Variants in ETS1 observed in about 807,000 individuals in gnomAD.
ETS1 encodes protein C-ets-1.
Under a neutral mutation model 58.6 loss-of-function variants are expected in ETS1, and 15 were observed. That is an observed-to-expected ratio of 0.26 (90% CI 0.17 to 0.39). The LOEUF (loss-of-function observed/expected upper bound fraction) is 0.39. ETS1 is among the 10% of genes least tolerant of loss of function. ETS1 has a pLI of 1.00. For synonymous variants in ETS1, 214 were observed against 218.2 expected (o/e 0.98, Z 0.17); for missense variants, 417 against 610.5 (o/e 0.68, Z 3.34).
chr11:128,498,379 T>C lies in ETS1; in HGVS notation c.215-7803A>G, dbSNP rs150962439. On this transcript the variant is annotated intron_variant, in intron 3 of 9. Transcript: ENST00000392668. ...AACGCAAAAATCAGATTCTGAGATA[T>C]AAATGGAAATTGACATCCCCTGAAA... 2.2e-4 allele frequency among the ~76,000 whole-genome samples: 33 copies of C among 152,338 alleles called. No homozygotes were observed. In the East Asian group the frequency reaches 6.4e-3, roughly 29 times the overall value.
At chr11:128,468,875 G>A (rs1862110679) in intron 8 of ETS1, among the ~76,000 whole-genome samples, 1 of 152,186 alleles carries the variant, frequency 6.6e-6, no homozygotes, top group African/African-American at 2.4e-5. Flanking sequence ...TTGAATGACT[G>A]TGTCATTTGA....
intron 1 of ETS1, among the ~76,000 whole-genome samples, chr11:128,581,443 G>C (rs1864868766): frequency 1.3e-5 from 2 of 152,148 alleles, no homozygotes; most frequent in African/African-American, 4.8e-5. Flanking sequence ...ATTTTACCAT[G>C]AAATTCAACA....
chr11:128,585,617 G>A (rs963343200), intron 1 of ETS1, among the ~76,000 whole-genome samples: 1 of 152,140 alleles, frequency 6.6e-6, no homozygotes, highest in African/African-American at 2.4e-5. Flanking sequence ...GAGAGGACCT[G>A]CACCCACACA....
At position 128,463,587 on chromosome 11, in the gene ETS1, T is replaced by C; in HGVS notation, c.1164A>G (p.Leu388=). The C allele has an allele frequency of 1.9e-6, 3 of 1,612,636 alleles. No homozygotes were observed. Among genetic ancestry groups the C allele is most frequent in the Non-Finnish European group, 1.7e-6 (2 of 1,178,656 alleles). The stretch of plus-strand genomic sequence containing the variant: ...AAGACTGACAGGATTTATCAGTGAG[T>C]AATTCCAGAAGAAACTGCCATAGCT... The part of the protein sequence containing the change: ...PIQLWQFLLE[L]LTDKSCQSFI... The change falls in exon 9 of 10, where the codon TTA becomes TTG. Residue 388 remains leucine (L), a synonymous_variant. Coordinates refer to ENST00000392668, the MANE Select transcript of ETS1 (RefSeq NM_001143820.2). The surrounding 1 kb of genome is among the most constrained non-coding windows in gnomAD (Gnocchi z 4.1).
chr11:128,585,101 AAGGAAGGAAGGAAG>A lies in ETS1; in HGVS notation c.-15+2373_-15+2386del, dbSNP rs1565421513. Among the ~76,000 whole-genome samples the A allele has an allele frequency of 3.8e-4, 11 of 28,940 alleles. 1 individual carries two copies. The highest frequency in any genetic ancestry group is 1.9e-3 in the South Asian group (3 of 1,560). 19.0% of individuals were successfully genotyped at this position (28,940 alleles called of 152,430 possible). The stretch of plus-strand genomic sequence containing the variant: ...GAGAAAGAAAGAAAGGAAAGAAAGA[AAGGAAGGAAGGAAG>A]GAAAGAAAGAAGAAAGAAAGAAAAG... On this transcript the variant is annotated intron_variant, in intron 1 of 9. Transcript: ENST00000392668.
chr11:128,586,940 T>C (rs148584583), intron 1 of ETS1, among the ~76,000 whole-genome samples: 8 of 152,290 alleles, frequency 5.3e-5, no homozygotes, highest in African/African-American at 1.4e-4. Flanking sequence ...TAGGAACTTG[T>C]AGATCTTTGG....
intron 2 of ETS1, among the ~76,000 whole-genome samples, chr11:128,569,318 C>CTATTTTTTTTTTTT (rs1555089976): frequency 2.5e-5 from 1 of 39,462 alleles, no homozygotes; most frequent in African/African-American, 1.1e-4. Flanking sequence ...AGAGTTTCTT[C>CTATTTTTTTTTTTT]TTTTTTTTTT....
intron 3 of ETS1, chr11:128,522,429 G>C (rs868821870): frequency 1.3e-5 from 11 of 823,820 alleles, no homozygotes; most frequent in African/African-American, 1.8e-5. Flanking sequence ...ATGTCCGCTT[G>C]GGGGAGCGAG....
intron 2 of ETS1, among the ~76,000 whole-genome samples, chr11:128,562,405 T>A (rs1298206678): frequency 6.6e-6 from 1 of 152,008 alleles, no homozygotes; most frequent in Non-Finnish European, 1.5e-5. Flanking sequence ...TGAGACTCCA[T>A]CTCAAAAAAG....
chr11:128,537,655 C>T (rs1351842313), intron 3 of ETS1, among the ~76,000 whole-genome samples: 1 of 152,142 alleles, frequency 6.6e-6, no homozygotes, highest in African/African-American at 2.4e-5. Flanking sequence ...CACTGGGAAA[C>T]CTACTAAATA....
rs765428803 is a variant in ETS1 at position 128,485,021 on chromosome 11, G to T, written c.664C>A (p.Pro222Thr). Residue 222 changes from proline to threonine, a missense_variant, in exon 7 of 10, where the codon CCC becomes ACC. This residue lies in a region of ETS1 where 132 missense variants were observed against 212.1 expected (regional missense o/e 0.62). Transcript: ENST00000392668. Reference sequence around the variant, plus strand: ...TGATAGGACTCTGTGATGAAGCTGGGCTCTGAGAACTCCGATGGTGGAACA... The same window carrying T: ...TGATAGGACTCTGTGATGAAGCTGGTCTCTGAGAACTCCGATGGTGGAACA... ...QCVPPSEFSE[P>T]SFITESYQTL... 1.9e-6 allele frequency: 3 copies of T among 1,613,804 alleles called. No individual in the cohort carries two copies. Among genetic ancestry groups the T allele is most frequent in the Admixed American group, 1.7e-5 (1 of 59,984 alleles).
chr11:128,486,722 C>A (rs184006215), intron 5 of ETS1, among the ~76,000 whole-genome samples: 74 of 152,312 alleles, frequency 4.9e-4, no homozygotes, highest in Middle Eastern at 3.4e-3. Flanking sequence ...TGCGACTGCG[C>A]TTGTGTCAAG....
At chr11:128,520,545 C>T (rs75065156) in intron 3 of ETS1, among the ~76,000 whole-genome samples, 2,267 of 152,306 alleles carry the variant, frequency 0.015, 47 homozygotes, top group African/African-American at 0.048. Context: ...TCCTCGAACC[C>T]CCAAACACAA....
intron 3 of ETS1, among the ~76,000 whole-genome samples, chr11:128,511,379 G>C (rs986478427): frequency 1.1e-4 from 17 of 152,342 alleles, no homozygotes; most frequent in Non-Finnish European, 8.8e-5. Flanking sequence ...CTGCATGTCT[G>C]TCTAGTAACC....
At chr11:128,467,305 A>G (rs1056169517) in intron 8 of ETS1, among the ~76,000 whole-genome samples, 3 of 152,164 alleles carry the variant, frequency 2.0e-5, no homozygotes, top group Non-Finnish European at 4.4e-5. Context: ...TGGGGTTGGA[A>G]GGCACACTGG....
Position 128,487,666 on chromosome 11 carries a change from G to A in ETS1, c.536-1520C>T, listed in dbSNP as rs926456379. Among the ~76,000 whole-genome samples, 6 of 152,178 alleles carry A rather than the reference G, an allele frequency of 3.9e-5. No homozygotes were observed. The East Asian group carries it at 1.2e-3, about 29-fold the overall frequency. On this transcript the variant is annotated intron_variant, in intron 5 of 9. Coordinates refer to ENST00000392668, the MANE Select transcript of ETS1 (RefSeq NM_001143820.2). ...AGGCAGGAGAATCGCTTGAACCTAG[G>A]AGGCGAAGGTTGCAGTGAGCCGACA...
intron 3 of ETS1, among the ~76,000 whole-genome samples, chr11:128,491,275 A>G (rs1052863171): frequency 2.0e-5 from 3 of 152,250 alleles, no homozygotes; most frequent in Non-Finnish European, 4.4e-5. Context: ...AAGAAACAAC[A>G]GTGAGCAACA....
chr11:128,464,460 A>G lies in ETS1; in HGVS notation c.1124-833T>C, dbSNP rs1861982360. Among the ~76,000 whole-genome samples, 1 of 151,920 alleles carries G rather than the reference A, an allele frequency of 6.6e-6. No homozygotes were observed. The highest frequency in any genetic ancestry group is 2.1e-4 in the South Asian group (1 of 4,810). ...TATTCTATGCTAAAAGGTTTATATC[A>G]CACCGATTTCCTTTGAGGATACTTT... On this transcript the variant is annotated intron_variant, in intron 8 of 9. Coordinates refer to ENST00000392668, the MANE Select transcript of ETS1 (RefSeq NM_001143820.2). This position sits in a 1 kb window ranked among gnomAD's most constrained non-coding sequence, Gnocchi z 4.1.
chr11:128,548,662 C>T (rs1009847759), intron 3 of ETS1, among the ~76,000 whole-genome samples: 1 of 152,224 alleles, frequency 6.6e-6, no homozygotes, highest in Non-Finnish European at 1.5e-5. Flanking sequence ...CAGGCGCTGC[C>T]ACAGGCCGAA....
Sources: gnomAD v4.1 joint callset for allele counts (sites outside exome capture counted in the v4.1 genomes callset) on GRCh38, gnomAD v4.1.1 for gene constraint, gnomAD v4.1.1 regional missense constraint, Gnocchi (gnomAD v3.1) non-coding constraint, MANE v1.5 for transcripts, NCBI Gene and HGNC (gene_info 2026-07-23, HGNC 2026-07-21) for gene names.